Variants in NEDD4 observed in about 807,000 individuals in gnomAD.
NEDD4 encodes NEDD4 E3 ubiquitin protein ligase.
In NEDD4, 99 loss-of-function variants were observed where a neutral mutation model predicts 144.9. The ratio of observed to expected loss-of-function variants is 0.68; its 90% CI spans 0.58 to 0.81. NEDD4 has a LOEUF of 0.81. Among genes scored for constraint, NEDD4 ranks in the 30% least tolerant of loss-of-function variants. The pLI is 0.00. For missense variants in NEDD4, 985 were observed against 1,065.9 expected (o/e 0.92, Z 1.06); for synonymous variants, 318 against 350.6 (o/e 0.91, Z 1.04).
At chr15:55,845,929 G>A (rs2033722879) in intron 18 of NEDD4, among the ~76,000 whole-genome samples, 1 of 151,726 alleles carries the variant, frequency 6.6e-6, no homozygotes, top group Non-Finnish European at 1.5e-5. Flanking sequence ...GGGATTAAAG[G>A]TGTGCGCCAT....
At chr15:55,880,420 A>G (rs2035144553) in intron 5 of NEDD4, among the ~76,000 whole-genome samples, 1 of 152,214 alleles carries the variant, frequency 6.6e-6, no homozygotes, top group Admixed American at 6.5e-5. Context: ...AAAAGCTTGG[A>G]GAGTAACAAA....
intron 4 of NEDD4, among the ~76,000 whole-genome samples, chr15:55,945,707 G>A (rs563411067): frequency 6.0e-4 from 91 of 152,072 alleles, no homozygotes; most frequent in Middle Eastern, 6.8e-3. Flanking sequence ...ACACATAATT[G>A]TCAGATTCAC....
intron 7 of NEDD4, among the ~76,000 whole-genome samples, chr15:55,869,995 G>A (rs1219478401): frequency 6.6e-6 from 1 of 152,100 alleles, no homozygotes; most frequent in Non-Finnish European, 1.5e-5. Flanking sequence ...AGACTGGGGA[G>A]GATTCTTACC....
intron 7 of NEDD4, among the ~76,000 whole-genome samples, chr15:55,870,109 G>A (rs2034730033): frequency 6.6e-6 from 1 of 152,114 alleles, no homozygotes; most frequent in Non-Finnish European, 1.5e-5. Context: ...AGTTGAGTTT[G>A]GCTAGATTAT....
chr15:55,834,781 C>G (rs1290027574), intron 24 of NEDD4, among the ~76,000 whole-genome samples: 1 of 152,190 alleles, frequency 6.6e-6, no homozygotes, highest in Non-Finnish European at 1.5e-5. Context: ...CTTCTCAAGC[C>G]TCCACATCAC....
chr15:55,942,390 A>C (rs758069845), intron 4 of NEDD4, among the ~76,000 whole-genome samples: 3 of 152,100 alleles, frequency 2.0e-5, no homozygotes, highest in Admixed American at 6.5e-5. Context: ...TGTAATCCCT[A>C]ATGTTGGAGG....
In NEDD4 at chr15:55,829,825, C is replaced by A; in HGVS notation, c.*72G>T. 2.6e-6 allele frequency: 3 copies of A among 1,171,194 alleles called. No individual in the cohort carries two copies. The highest frequency in any genetic ancestry group is 3.7e-6 in the Non-Finnish European group (3 of 820,272). 72.6% of individuals were successfully genotyped at this position (1,171,194 alleles called of 1,614,324 possible). On this transcript the variant is annotated 3_prime_UTR_variant, in exon 29 of 29. Transcript: ENST00000435532. ...CAGTGGCCACATTTTAGTAGTTCCC[C>A]GGAAAATTTTAAGTCAAGATTTTGG...
intron 1 of NEDD4, chr15:55,988,076 A>G (rs1365991397): frequency 6.6e-6 from 1 of 150,400 alleles, no homozygotes; most frequent in Non-Finnish European, 1.5e-5. Flanking sequence ...AACCAACCCA[A>G]ATGTCCAACA....
chr15:55,958,582 T>C (rs2037376103), intron 2 of NEDD4, among the ~76,000 whole-genome samples: 1 of 152,286 alleles, frequency 6.6e-6, no homozygotes, highest in East Asian at 1.9e-4. Context: ...AAATGTCTGA[T>C]AGCTGCATCC....
chr15:55,878,852 C>T (rs1290693913), intron 5 of NEDD4, among the ~76,000 whole-genome samples: 5 of 152,200 alleles, frequency 3.3e-5, no homozygotes, highest in African/African-American at 9.7e-5. Context: ...GACGGAGTTT[C>T]GCTCTTGTCG....
In NEDD4 at chr15:55,892,334, T is replaced by C. The variant is rs1026493280; in HGVS notation, c.292-18326A>G. Among the ~76,000 whole-genome samples, 12 of 150,434 alleles carry C rather than the reference T, an allele frequency of 8.0e-5. 1 individual carries two copies. The South Asian group carries it at 2.1e-3, about 26-fold the overall frequency. On this transcript the variant is annotated intron_variant, in intron 5 of 28. Transcript: ENST00000435532. ...TAAATAAATAAATAATAAATATGAA[T>C]TATAAATAATTTTCCAGGGCAAATC...
At chr15:55,841,016 C>T (rs536024573) in intron 19 of NEDD4, among the ~76,000 whole-genome samples, 1 of 117,452 alleles carries the variant, frequency 8.5e-6, no homozygotes, top group Admixed American at 8.5e-5. Flanking sequence ...TCACTGCAAC[C>T]TCCGCCTCCC....
At chr15:55,896,083 G>T (rs1052015906) in intron 5 of NEDD4, among the ~76,000 whole-genome samples, 11 of 152,122 alleles carry the variant, frequency 7.2e-5, no homozygotes, top group African/African-American at 2.7e-4. Context: ...CTACCTTGCA[G>T]CCTTCTATTA....
chr15:55,974,891 C>CTTTTTTTTTTTTTTT (rs56285555), intron 1 of NEDD4, among the ~76,000 whole-genome samples: 1,310 of 75,550 alleles, frequency 0.017, 158 homozygotes, highest in African/African-American at 0.021. Flanking sequence ...CTTTTCCTTT[C>CTTTTTTTTTTTTTTT]TTTTTTTTTT....
chr15:55,850,316 G>A (rs1595746974), intron 14 of NEDD4, among the ~76,000 whole-genome samples: 1 of 152,034 alleles, frequency 6.6e-6, no homozygotes, highest in Admixed American at 6.6e-5. Context: ...CTAAAAACTG[G>A]AAATAGGAAG....
chr15:55,880,731 C>T (rs1318614253), intron 5 of NEDD4, among the ~76,000 whole-genome samples: 1 of 152,060 alleles, frequency 6.6e-6, no homozygotes, highest in East Asian at 1.9e-4. Context: ...ACCTAGAGAG[C>T]AACCAGTGCA....
intron 21 of NEDD4, 31 bp from the exon 22 acceptor site, chr15:55,838,635 T>C (rs1194615993): frequency 6.7e-7 from 1 of 1,489,952 alleles, no homozygotes; most frequent in South Asian, 1.1e-5. Context: ...ATTTAAAATT[T>C]GTATCTATAA....
intron 5 of NEDD4, among the ~76,000 whole-genome samples, chr15:55,879,471 T>C (rs1263305335): frequency 2.6e-5 from 4 of 152,232 alleles, no homozygotes; most frequent in Non-Finnish European, 4.4e-5. Context: ...TGAAGTCCAC[T>C]AGTCAGTAGA....
chr15:55,957,367 T>C (rs932441080), intron 2 of NEDD4, among the ~76,000 whole-genome samples: 2 of 152,200 alleles, frequency 1.3e-5, no homozygotes, highest in South Asian at 2.1e-4. Context: ...GCCTTATTCC[T>C]GAGTTAAGTA....
Sources: gnomAD v4.1 joint callset for allele counts (sites outside exome capture counted in the v4.1 genomes callset) on GRCh38, gnomAD v4.1.1 for gene constraint, MANE v1.5 for transcripts, NCBI Gene and HGNC (gene_info 2026-07-23, HGNC 2026-07-21) for gene names.